Variants in AMPH observed in about 807,000 individuals in gnomAD.
The protein encoded by AMPH is amphiphysin (Stiff-Mann syndrome with breast cancer 128kD autoantigen).
Under a neutral mutation model 99.1 loss-of-function variants are expected in AMPH, and 49 were observed. The observed-to-expected ratio is 0.49, with a 90% CI of 0.39 to 0.63. The LOEUF (loss-of-function observed/expected upper bound fraction) is 0.63, where lower values mean the gene tolerates loss of function less well. AMPH is among the 20% of genes least tolerant of loss of function. AMPH has a pLI of 0.00. For missense variants in AMPH, 759 were observed against 863.4 expected (o/e 0.88, Z 1.52); for synonymous variants, 314 against 317.3 (o/e 0.99, Z 0.11).
chr7:38,431,588 G>A (rs966325232), intron 13 of AMPH, among the ~76,000 whole-genome samples: 20 of 151,714 alleles, frequency 1.3e-4, no homozygotes, highest in South Asian at 8.3e-4. Context: ...CCCGGGAGGC[G>A]GAGCTTGCAG....
At chr7:38,605,399 C>G (rs1793398808) in intron 1 of AMPH, among the ~76,000 whole-genome samples, 1 of 152,012 alleles carries the variant, frequency 6.6e-6, no homozygotes, top group Admixed American at 6.5e-5. Flanking sequence ...CCTTTGGGCC[C>G]CTTTTTGAGA....
intron 11 of AMPH, among the ~76,000 whole-genome samples, chr7:38,459,183 T>C (rs916310279): frequency 2.6e-5 from 4 of 151,936 alleles, no homozygotes; most frequent in Non-Finnish European, 5.9e-5. Flanking sequence ...AAGTGAAAGA[T>C]CTGTATGAGG....
chr7:38,559,118 G>A (rs1048991456), intron 1 of AMPH, among the ~76,000 whole-genome samples: 1 of 152,198 alleles, frequency 6.6e-6, no homozygotes, highest in South Asian at 2.1e-4. Context: ...AGCCTTCTCA[G>A]GTTCCTAGGG....
intron 2 of AMPH, among the ~76,000 whole-genome samples, chr7:38,516,926 T>C (rs895897050): frequency 6.6e-6 from 1 of 152,232 alleles, no homozygotes; most frequent in Non-Finnish European, 1.5e-5. Flanking sequence ...GTTTCAGACT[T>C]GCATGGGGCC....
At chr7:38,597,755 T>C (rs1251606369) in intron 1 of AMPH, among the ~76,000 whole-genome samples, 1 of 152,214 alleles carries the variant, frequency 6.6e-6, no homozygotes, top group Non-Finnish European at 1.5e-5. Flanking sequence ...ACTAATACCA[T>C]ATGCTGAGAT....
intron 16 of AMPH, among the ~76,000 whole-genome samples, chr7:38,418,327 C>G (rs541005030): frequency 2.6e-5 from 4 of 151,628 alleles, no homozygotes; most frequent in Admixed American, 6.6e-5. Flanking sequence ...GAGAGAGAGA[C>G]AGAGATAGAG....
At chr7:38,425,289 C>T (rs1408793901) in intron 15 of AMPH, among the ~76,000 whole-genome samples, 1 of 152,172 alleles carries the variant, frequency 6.6e-6, no homozygotes, top group Admixed American at 6.5e-5. Flanking sequence ...GTACCCAGTT[C>T]AGCCCACAGC....
intron 1 of AMPH, among the ~76,000 whole-genome samples, chr7:38,627,891 G>C (rs1371023770): frequency 2.6e-5 from 4 of 151,990 alleles, no homozygotes; most frequent in African/African-American, 9.7e-5. Context: ...AAGCCAGTTT[G>C]GGTTGAGCTT....
chr7:38,546,412 T>TA lies in AMPH; in HGVS notation c.70-11402dup, dbSNP rs35561179. On this transcript the variant is annotated intron_variant, in intron 1 of 20. Transcript: ENST00000356264. ...GTCTGATCTGCATGAAGTGAATTTC[T>TA]AAAAAAAAAATTAAACACTATTTTG... 2.2e-3 allele frequency among the ~76,000 whole-genome samples: 336 copies of TA among 150,350 alleles called. 2 individuals are homozygous for TA. The East Asian group carries it at 0.049, about 22-fold the overall frequency.
chr7:38,575,546 T>G (rs1355543016), intron 1 of AMPH, among the ~76,000 whole-genome samples: 1 of 152,164 alleles, frequency 6.6e-6, no homozygotes, highest in Non-Finnish European at 1.5e-5. Context: ...TAAGATCTGA[T>G]GGTTTTATAA....
At position 38,494,519 on chromosome 7, in the gene AMPH, C is replaced by T; in HGVS notation, c.214G>A (p.Glu72Lys). Residue 72 changes from glutamate to lysine, a missense_variant, in exon 4 of 21, where the codon GAG becomes AAG. Around this residue, in one of 2 missense-constraint regions of AMPH, gnomAD observed 205 missense variants for 287.9 expected, o/e 0.71. Transcript: ENST00000356264. The part of the protein sequence containing the change: ...GYLAAIKGMQ[E>K]ASMKLTESLH... ...GACTCTGTGAGCTTCATGGAGGCCT[C>T]CTGCATGCCTAGTGTTGGAGAGAAA... is the stretch of plus-strand genomic sequence containing the variant. 3 of 1,613,772 alleles carry T rather than the reference C, an allele frequency of 1.9e-6. No homozygotes were observed. The highest frequency in any genetic ancestry group is 1.1e-5 in the South Asian group (1 of 91,090).
chr7:38,446,136 T>A (rs1252137265), intron 11 of AMPH, among the ~76,000 whole-genome samples: 1 of 152,202 alleles, frequency 6.6e-6, no homozygotes, highest in Non-Finnish European at 1.5e-5. Context: ...TATAGCCATG[T>A]GAGAATGGCC....
chr7:38,486,245 T>C (rs527563671), intron 5 of AMPH, among the ~76,000 whole-genome samples: 16 of 134,830 alleles, frequency 1.2e-4, no homozygotes, highest in African/African-American at 3.0e-4. Context: ...AAATCAGAAA[T>C]GAAAGGTGAT....
intron 4 of AMPH, among the ~76,000 whole-genome samples, chr7:38,491,817 G>A (rs544462005): frequency 1.3e-5 from 2 of 152,234 alleles, no homozygotes; most frequent in South Asian, 2.1e-4. Context: ...ACAGACACAG[G>A]CTTCAACTCA....
At chr7:38,498,703 C>G in intron 3 of AMPH, among the ~76,000 whole-genome samples, 1 of 152,186 alleles carries the variant, frequency 6.6e-6, no homozygotes, top group Non-Finnish European at 1.5e-5. Flanking sequence ...GAATTCCACA[C>G]AATCACAATA....
intron 1 of AMPH, among the ~76,000 whole-genome samples, chr7:38,548,219 TG>T (rs1242814912): frequency 3.9e-5 from 6 of 151,938 alleles, no homozygotes; most frequent in African/African-American, 1.2e-4. Flanking sequence ...TTAGTAGAGA[TG>T]GGGTTTCACC....
intron 3 of AMPH, among the ~76,000 whole-genome samples, chr7:38,503,003 G>A (rs1222351889): frequency 1.3e-5 from 2 of 152,172 alleles, no homozygotes; most frequent in African/African-American, 4.8e-5. Flanking sequence ...ACACTTGGCT[G>A]TGACTCAGGG....
At chr7:38,606,323 G>A (rs997925707) in intron 1 of AMPH, among the ~76,000 whole-genome samples, 13 of 152,052 alleles carry the variant, frequency 8.5e-5, no homozygotes, top group African/African-American at 1.9e-4. Context: ...GTCTAGTTCC[G>A]GAATATTTTC....
intron 1 of AMPH, among the ~76,000 whole-genome samples, chr7:38,544,912 G>A (rs75467366): frequency 0.023 from 3,529 of 152,272 alleles, 161 homozygotes; most frequent in African/African-American, 0.08. Flanking sequence ...CAATGGAAGA[G>A]ATTCTTAAGA....
Sources: allele counts gnomAD v4.1 joint callset (sites outside exome capture counted in the v4.1 genomes callset), GRCh38; gene constraint gnomAD v4.1.1; regional missense constraint gnomAD v4.1.1; transcripts MANE v1.5; gene names NCBI Gene and HGNC (gene_info 2026-07-23, HGNC 2026-07-21).